The following TRAF3IP1 variants were observed in gnomAD, a reference collection of about 807,000 sequenced individuals.
The protein encoded by TRAF3IP1 is TRAF3-interacting protein 1.
Under a neutral mutation model 89.9 loss-of-function variants are expected in TRAF3IP1, and 53 were observed. The observed-to-expected ratio is 0.59, with a 90% CI of 0.47 to 0.74. The LOEUF is 0.74. Ranked by LOEUF, TRAF3IP1 falls within the 30% of genes least tolerant of loss-of-function variation. The pLI is 0.00. For missense variants in TRAF3IP1, 806 were observed against 866.1 expected (o/e 0.93, Z 0.87); for synonymous variants, 311 against 322.1 (o/e 0.97, Z 0.37).
At chr2:238,356,505 A>G (rs1025769695) in intron 15 of TRAF3IP1, among the ~76,000 whole-genome samples, 1 of 152,078 alleles carries the variant, frequency 6.6e-6, no homozygotes, top group African/African-American at 2.4e-5. Flanking sequence ...TCAGAAAGAA[A>G]AAAAAAGCCA....
chr2:238,393,331 T>C (rs1459675928), intron 15 of TRAF3IP1, among the ~76,000 whole-genome samples: 1 of 152,246 alleles, frequency 6.6e-6, no homozygotes. Flanking sequence ...GCCATCCTTA[T>C]ATCTTCTTCA....
Position 238,329,264 on chromosome 2 carries a change from A to G in TRAF3IP1, c.837A>G (p.Arg279=). The part of the protein sequence containing the change: ...RDRDKGKDRD[R]RRVKNGEHSW... Reference sequence around the variant, plus strand: ...GGGACAAAGGGAAGGACAGGGACAGACGGAGAGTGAAAAACGGGGAGCACT... The same window carrying G: ...GGGACAAAGGGAAGGACAGGGACAGGCGGAGAGTGAAAAACGGGGAGCACT... The change falls in exon 5 of 17, where the codon AGA becomes AGG. Residue 279 remains arginine, a synonymous_variant. Coordinates refer to ENST00000373327, the MANE Select transcript of TRAF3IP1 (RefSeq NM_015650.4). 1 of 1,497,816 alleles carries G rather than the reference A, an allele frequency of 6.7e-7. No individual in the cohort carries two copies. The allele number at this position is 1,497,816 out of a possible 1,614,324, so 92.8% of individuals were successfully genotyped here.
chr2:238,352,849 T>C lies in TRAF3IP1; in HGVS notation c.1474T>C (p.Ser492Pro). ...TAGGTCAGGGAGTGGTAAAACCGTT[T>C]CAAATGTGATTACAGAGTCACACAA... is the stretch of plus-strand genomic sequence containing the variant. ...MDRSGSGKTV[S>P]NVITESHNSD... The change falls in exon 13 of 17, where the codon TCA (serine) becomes CCA (proline). Residue 492 changes from serine to proline, a missense_variant. Transcript: ENST00000373327. 1 of 1,611,618 alleles carries C rather than the reference T, an allele frequency of 6.2e-7. No individual in the cohort carries two copies. The highest frequency in any genetic ancestry group is 8.5e-7 in the Non-Finnish European group (1 of 1,179,374).
intron 15 of TRAF3IP1, among the ~76,000 whole-genome samples, chr2:238,385,238 G>C (rs1487176615): frequency 6.6e-6 from 1 of 152,128 alleles, no homozygotes; most frequent in Admixed American, 6.5e-5. Context: ...GGATGGTCTC[G>C]ATCTCCTGAC....
At chr2:238,390,444 G>C (rs1431092857) in intron 15 of TRAF3IP1, among the ~76,000 whole-genome samples, 1 of 152,170 alleles carries the variant, frequency 6.6e-6, no homozygotes, top group Non-Finnish European at 1.5e-5. Flanking sequence ...AACTTGCCTG[G>C]ACATGACAGC....
chr2:238,349,183 C>T (rs1364355933), intron 11 of TRAF3IP1, 142 bp from the exon 12 acceptor site: 12 of 750,384 alleles, frequency 1.6e-5, no homozygotes, highest in Non-Finnish European at 2.6e-5. Context: ...CGTTCCTCCT[C>T]TTCTGCAGAG....
intron 3 of TRAF3IP1, among the ~76,000 whole-genome samples, chr2:238,327,842 T>C (rs2106362149): frequency 6.6e-6 from 1 of 152,306 alleles, no homozygotes; most frequent in Non-Finnish European, 1.5e-5. Flanking sequence ...AGAGTGTTTG[T>C]CATTTTTTTG....
intron 12 of TRAF3IP1, among the ~76,000 whole-genome samples, chr2:238,350,272 C>T (rs745449369): frequency 2.6e-5 from 4 of 151,858 alleles, no homozygotes; most frequent in South Asian, 2.1e-4. Context: ...TTTCTAATGA[C>T]GGGAATGATC....
intron 7 of TRAF3IP1, among the ~76,000 whole-genome samples, chr2:238,337,909 G>A (rs77568892): frequency 6.6e-6 from 1 of 152,160 alleles, no homozygotes; most frequent in Non-Finnish European, 1.5e-5. Flanking sequence ...GATCAGGAGA[G>A]AGCTGGAGAA....
intron 2 of TRAF3IP1, 47 bp from the exon 3 acceptor site, chr2:238,325,762 C>T: frequency 6.4e-7 from 1 of 1,551,118 alleles, no homozygotes. Flanking sequence ...ATAATGCACA[C>T]TCTTCAAAGT....
chr2:238,387,332 T>C (rs1189666729), intron 15 of TRAF3IP1, among the ~76,000 whole-genome samples: 1 of 152,214 alleles, frequency 6.6e-6, no homozygotes, highest in African/African-American at 2.4e-5. Flanking sequence ...AACAGCCTAT[T>C]CCTGACTTGG....
At chr2:238,370,348 G>C (rs1411129472) in intron 15 of TRAF3IP1, among the ~76,000 whole-genome samples, 1 of 152,066 alleles carries the variant, frequency 6.6e-6, no homozygotes, top group Non-Finnish European at 1.5e-5. Context: ...ATGTGTGCGT[G>C]TCTGAGTGTA....
chr2:238,377,435 A>G (rs187092029), intron 15 of TRAF3IP1, among the ~76,000 whole-genome samples: 57 of 151,180 alleles, frequency 3.8e-4, no homozygotes, highest in African/African-American at 1.3e-3. Context: ...CTTGGTTATT[A>G]ATGCGTGTTA....
At chr2:238,383,875 T>C (rs1355512555) in intron 15 of TRAF3IP1, among the ~76,000 whole-genome samples, 1 of 152,224 alleles carries the variant, frequency 6.6e-6, no homozygotes, top group Non-Finnish European at 1.5e-5. Context: ...ATTTAGTCCG[T>C]TTACACTTAG....
rs978169047 is a variant in TRAF3IP1, at chr2:238,351,663, G to A, written c.1452-1164G>A. On this transcript the variant is annotated intron_variant, in intron 12 of 16. Coordinates refer to ENST00000373327, the MANE Select transcript of TRAF3IP1 (RefSeq NM_015650.4). This position sits in a 1 kb window ranked among gnomAD's most constrained non-coding sequence, Gnocchi z 5.2. ...CTGGTACTGACAGAGCAGCGGGTTC[G>A]AAGTGAGGTTGGTCCTGGCGGAGCC... Among the ~76,000 whole-genome samples the A allele has an allele frequency of 9.2e-5, 14 of 152,170 alleles. No individual in the cohort carries two copies. The highest frequency in any genetic ancestry group is 1.8e-4 in the Non-Finnish European group (12 of 68,012).
intron 8 of TRAF3IP1, among the ~76,000 whole-genome samples, chr2:238,339,348 T>G (rs1189975229): frequency 6.6e-6 from 1 of 152,298 alleles, no homozygotes; most frequent in East Asian, 1.9e-4. Context: ...GCAGGGTGTT[T>G]CCACTGAAGA....
At chr2:238,353,271 C>T (rs532825643) in intron 14 of TRAF3IP1, 62 bp downstream of exon 14, 43 of 1,584,680 alleles carry the variant, frequency 2.7e-5, no homozygotes, top group Middle Eastern at 1.7e-4. Flanking sequence ...ACCTTCTCCA[C>T]GTGGGCCTGG....
At position 238,384,245 on chromosome 2, in the gene TRAF3IP1, C is replaced by T. The variant is rs372977840; in HGVS notation, c.1690-13214C>T. On this transcript the variant is annotated intron_variant, in intron 15 of 16. Coordinates refer to ENST00000373327, the MANE Select transcript of TRAF3IP1 (RefSeq NM_015650.4). Reference sequence around the variant, plus strand: ...CTCACTTGTATGCTGCCTCCGCCCACGGCTGACAACAGTTGCCTCTGATCT... The same window carrying T: ...CTCACTTGTATGCTGCCTCCGCCCATGGCTGACAACAGTTGCCTCTGATCT... 8.5e-5 allele frequency among the ~76,000 whole-genome samples: 13 copies of T among 152,260 alleles called. No homozygotes were observed. In the South Asian group the frequency reaches 2.3e-3, roughly 27 times the overall value.
At chr2:238,367,877 C>A (rs1177729757) in intron 15 of TRAF3IP1, among the ~76,000 whole-genome samples, 1 of 152,176 alleles carries the variant, frequency 6.6e-6, no homozygotes, top group African/African-American at 2.4e-5. Context: ...CTGTGCCTCC[C>A]TGTCTCAGTG....
Sources: gnomAD v4.1 joint callset for allele counts (sites outside exome capture counted in the v4.1 genomes callset) on GRCh38, gnomAD v4.1.1 for gene constraint, Gnocchi (gnomAD v3.1) non-coding constraint, MANE v1.5 for transcripts, NCBI Gene and HGNC (gene_info 2026-07-23, HGNC 2026-07-21) for gene names.